The following SLC25A44 variants were observed in gnomAD, a reference collection of about 807,000 sequenced individuals.
SLC25A44 encodes the protein solute carrier family 25 member 44.
Under a neutral mutation model 29.9 loss-of-function variants are expected in SLC25A44, and 17 were observed. The observed-to-expected ratio is 0.57, with a 90% CI of 0.39 to 0.85. The LOEUF is 0.85. Among genes scored for constraint, SLC25A44 ranks in the 40% least tolerant of loss-of-function variants. The pLI is 0.00. For synonymous variants in SLC25A44, 140 were observed against 151.8 expected (o/e 0.92, Z 0.57); for missense variants, 302 against 398.4 (o/e 0.76, Z 2.06).
intron 2 of SLC25A44, among the ~76,000 whole-genome samples, chr1:156,206,449 G>T (rs1572460859): frequency 6.6e-6 from 1 of 151,768 alleles, no homozygotes; most frequent in East Asian, 1.9e-4. Flanking sequence ...TGTTGGTCAG[G>T]CTAGTCTCAA....
chr1:156,210,503 C>A lies in SLC25A44; in HGVS notation c.*72C>A. The A allele has an allele frequency of 8.6e-7, 1 of 1,166,158 alleles. No individual in the cohort carries two copies. The highest frequency in any genetic ancestry group is 1.2e-6 in the Non-Finnish European group (1 of 843,710). The allele number at this position is 1,166,158 out of a possible 1,614,324, so 72.2% of individuals were successfully genotyped here. A position where few individuals can be genotyped will look rare whatever the true frequency, so the allele number is the denominator to read the frequency against. On this transcript the variant is annotated 3_prime_UTR_variant, in exon 4 of 4. Coordinates refer to ENST00000359511, the MANE Select transcript of SLC25A44 (RefSeq NM_014655.4). ...CAGGGGCAGAGTGGAGAGGACAGCA[C>A]CCTCTCCAGGTGCTCCCACCACACA...
At chr1:156,199,568 G>GTATCATTAAAAA in intron 1 of SLC25A44, 2 of 468,468 alleles carry the variant, frequency 4.3e-6, no homozygotes, top group Non-Finnish European at 3.8e-6. Context: ...GGAGCCAGGG[G>GTATCATTAAAAA]AATCATTGAA....
At chr1:156,199,677 G>GGGGATTGA in intron 1 of SLC25A44, 158 bp from the exon 2 acceptor site, 1 of 620,072 alleles carries the variant, frequency 1.6e-6, no homozygotes, top group Non-Finnish European at 2.8e-6. Flanking sequence ...AGACTCAAGT[G>GGGGATTGA]GGGATTGACA....
At position 156,204,488 on chromosome 1, in the gene SLC25A44, G is replaced by A. The variant is rs145720164; in HGVS notation, c.626-3398G>A. The stretch of plus-strand genomic sequence containing the variant: ...AGTGCCAGTCCACATGCTACAGTTG[G>A]TTTTTTTGTTTGTTTCAAACGGAGT... On this transcript the variant is annotated intron_variant, in intron 2 of 3. Coordinates refer to ENST00000359511, the MANE Select transcript of SLC25A44 (RefSeq NM_014655.4). Among the ~76,000 whole-genome samples the A allele has an allele frequency of 4.1e-3, 626 of 152,026 alleles. 6 individuals are homozygous for A. The highest frequency in any genetic ancestry group is 0.015 in the African/African-American group (610 of 41,452).
chr1:156,210,489 T>A lies in SLC25A44; in HGVS notation c.*58T>A. 7.4e-7 allele frequency: 1 copy of A among 1,348,030 alleles called. No individual in the cohort carries two copies. Among genetic ancestry groups the A allele is most frequent in the Non-Finnish European group, 1.0e-6 (1 of 992,342 alleles). 83.5% of individuals were successfully genotyped at this position (1,348,030 alleles called of 1,614,324 possible). A position where few individuals can be genotyped will look rare whatever the true frequency, so the allele number is the denominator to read the frequency against. On this transcript the variant is annotated 3_prime_UTR_variant, in exon 4 of 4. Transcript: ENST00000359511. Reference sequence around the variant, plus strand: ...ACACTACCGTGGGTCAGGGGCAGAGTGGAGAGGACAGCACCCTCTCCAGGT... The same window carrying A: ...ACACTACCGTGGGTCAGGGGCAGAGAGGAGAGGACAGCACCCTCTCCAGGT...
chr1:156,210,182 A>G, intron 3 of SLC25A44, 58 bp from the exon 4 acceptor site: 2 of 1,295,390 alleles, frequency 1.5e-6, no homozygotes, highest in Non-Finnish European at 2.1e-6. Flanking sequence ...GCAGAGGGAG[A>G]TTGAGCAGAG....
At chr1:156,197,119 C>A (rs1379677402) in intron 1 of SLC25A44, 2 of 152,178 alleles carry the variant, frequency 1.3e-5, no homozygotes. Flanking sequence ...TTCTCTGTAT[C>A]TTCTCACTTC....
chr1:156,205,420 A>G lies in SLC25A44; in HGVS notation c.626-2466A>G, dbSNP rs73006786. On this transcript the variant is annotated intron_variant, in intron 2 of 3. Transcript: ENST00000359511. ...AAGTGACTTACCTCTTGGATCTCAT[A>G]TGCTGTTCCTTCCCTTACTCATACT... Among the ~76,000 whole-genome samples the G allele has an allele frequency of 1.6e-3, 246 of 152,242 alleles. 1 individual carries two copies. Among genetic ancestry groups the G allele is most frequent in the African/African-American group, 5.7e-3 (238 of 41,544 alleles).
At chr1:156,200,928 C>T (rs1390618494) in intron 2 of SLC25A44, among the ~76,000 whole-genome samples, 4 of 151,222 alleles carry the variant, frequency 2.6e-5, no homozygotes, top group Admixed American at 6.6e-5. Context: ...CCCCACCTCC[C>T]GGGTTCAAGC....
chr1:156,202,582 T>G (rs1162400977), intron 2 of SLC25A44, among the ~76,000 whole-genome samples: 1 of 152,198 alleles, frequency 6.6e-6, no homozygotes, highest in Non-Finnish European at 1.5e-5. Flanking sequence ...CAATCATGAC[T>G]TACCTTAAGT....
chr1:156,206,153 T>G (rs1164215341), intron 2 of SLC25A44, among the ~76,000 whole-genome samples: 2 of 152,202 alleles, frequency 1.3e-5, no homozygotes, highest in Non-Finnish European at 2.9e-5. Flanking sequence ...AGAAAGGGTA[T>G]GTAGTATGCA....
chr1:156,207,776 G>A, intron 2 of SLC25A44, 110 bp from the exon 3 acceptor site: 1 of 1,175,306 alleles, frequency 8.5e-7, no homozygotes, highest in Non-Finnish European at 1.2e-6. Flanking sequence ...GTGGTGAAGG[G>A]TGGAGGGTTT....
rs1455727220 is a variant in SLC25A44, at chr1:156,210,772, C to T, written c.*341C>T. The T allele has an allele frequency of 6.3e-6, 1 of 158,566 alleles. No individual in the cohort carries two copies. The highest frequency in any genetic ancestry group is 2.5e-5 in the African/African-American group (1 of 40,184). The allele number at this position is 158,566 out of a possible 1,614,324, so 9.8% of individuals were successfully genotyped here. ...CCCTGAGACCCTGAGAAGAGCTGTA[C>T]ATAGAGCTTGCTTACTACCACTGGT... On this transcript the variant is annotated 3_prime_UTR_variant, in exon 4 of 4. Coordinates refer to ENST00000359511, the MANE Select transcript of SLC25A44 (RefSeq NM_014655.4).
intron 3 of SLC25A44, among the ~76,000 whole-genome samples, chr1:156,208,220 G>A (rs1167972549): frequency 6.6e-6 from 1 of 152,206 alleles, no homozygotes; most frequent in Non-Finnish European, 1.5e-5. Context: ...TGTAATCCCA[G>A]CATTTTGGGA....
intron 2 of SLC25A44, among the ~76,000 whole-genome samples, chr1:156,202,369 G>A (rs1018436653): frequency 4.6e-5 from 7 of 152,132 alleles, no homozygotes; most frequent in African/African-American, 1.7e-4. Context: ...ACTGCTTACT[G>A]AATAAAATCC....
At chr1:156,207,263 C>T (rs1386722953) in intron 2 of SLC25A44, among the ~76,000 whole-genome samples, 3 of 151,728 alleles carry the variant, frequency 2.0e-5, no homozygotes, top group African/African-American at 4.8e-5. Context: ...CTGCAAACTC[C>T]GCCTCCCAGG....
intron 1 of SLC25A44, 76 bp from the exon 2 acceptor site, chr1:156,199,759 C>T (rs1656431836): frequency 4.4e-6 from 6 of 1,353,300 alleles, no homozygotes; most frequent in Non-Finnish European, 5.1e-6. Context: ...AATGGGCCTT[C>T]AGAGCCCAGC....
intron 3 of SLC25A44, among the ~76,000 whole-genome samples, chr1:156,209,359 G>A (rs1293881235): frequency 6.6e-6 from 1 of 152,112 alleles, no homozygotes; most frequent in Middle Eastern, 3.2e-3. Context: ...AAGCAGAGAC[G>A]GTCACATGAG....
chr1:156,212,511 T>C lies in SLC25A44; in HGVS notation c.*2080T>C, dbSNP rs1368589751. The C allele has an allele frequency of 6.4e-6, 1 of 156,256 alleles. No individual in the cohort carries two copies. The highest frequency in any genetic ancestry group is 6.3e-5 in the Admixed American group (1 of 15,962). 9.7% of individuals were successfully genotyped at this position (156,256 alleles called of 1,614,324 possible). A position where few individuals can be genotyped will look rare whatever the true frequency, so the allele number is the denominator to read the frequency against. ...AAAGGACCCTTGGCCCATACTTTCC[T>C]AATTCTTTAGGGACTGGGATTGGGT... On this transcript the variant is annotated 3_prime_UTR_variant, in exon 4 of 4. Transcript: ENST00000359511.
Sources: gnomAD v4.1 joint callset for allele counts (sites outside exome capture counted in the v4.1 genomes callset) on GRCh38, gnomAD v4.1.1 for gene constraint, MANE v1.5 for transcripts, NCBI Gene and HGNC (gene_info 2026-07-23, HGNC 2026-07-21) for gene names.